Variants in SUGCT observed in about 807,000 individuals in gnomAD.
The protein encoded by SUGCT is succinyl-CoA:glutarate CoA-transferase.
Under a neutral mutation model 55.0 loss-of-function variants are expected in SUGCT, and 41 were observed. The ratio of observed to expected loss-of-function variants is 0.74; its 90% confidence interval spans 0.58 to 0.97. The LOEUF is 0.97. Ranked by LOEUF, SUGCT falls within the 50% of genes least tolerant of loss-of-function variation. The pLI, the probability that SUGCT is intolerant of heterozygous loss-of-function variation, is 0.00. For synonymous variants in SUGCT, 187 were observed against 200.4 expected (o/e 0.93, Z 0.56); for missense variants, 568 against 547.8 (o/e 1.04, Z -0.37).
At chr7:40,241,783 G>A (rs1477658279) in intron 7 of SUGCT, among the ~76,000 whole-genome samples, 1 of 151,844 alleles carries the variant, frequency 6.6e-6, no homozygotes, top group Non-Finnish European at 1.5e-5. Flanking sequence ...AGCTGGGCGT[G>A]GTGGTGTGCA....
chr7:40,285,639 T>A (rs563820874), intron 8 of SUGCT, among the ~76,000 whole-genome samples: 1 of 152,270 alleles, frequency 6.6e-6, no homozygotes, highest in African/African-American at 2.4e-5. Context: ...CCAACTATTA[T>A]GCCATCATTG....
intron 9 of SUGCT, among the ~76,000 whole-genome samples, chr7:40,332,995 G>A (rs1242704060): frequency 2.0e-5 from 3 of 152,192 alleles, no homozygotes; most frequent in South Asian, 2.1e-4. Flanking sequence ...TTGTAGAAAC[G>A]TATAGTCCCC....
At chr7:40,632,336 A>T (rs976027828) in intron 12 of SUGCT, among the ~76,000 whole-genome samples, 1 of 151,912 alleles carries the variant, frequency 6.6e-6, no homozygotes, top group Admixed American at 6.6e-5. Flanking sequence ...TGTGGTGTAT[A>T]ACTAGTAAAT....
intron 12 of SUGCT, among the ~76,000 whole-genome samples, chr7:40,658,438 A>G (rs1490718486): frequency 6.6e-6 from 1 of 152,148 alleles, no homozygotes; most frequent in African/African-American, 2.4e-5. Context: ...TTAAAGTCCT[A>G]TCTTTTTCCC....
the SUGCT span, among the ~76,000 whole-genome samples, chr7:40,940,961 G>A: frequency 6.6e-6 from 1 of 152,028 alleles, no homozygotes; most frequent in Non-Finnish European, 1.5e-5. Flanking sequence ...GTTCTTAGGG[G>A]AAATGCCTTT....
chr7:40,349,963 C>T (rs1797528458), intron 9 of SUGCT, among the ~76,000 whole-genome samples: 1 of 152,196 alleles, frequency 6.6e-6, no homozygotes, highest in Admixed American at 6.5e-5. Flanking sequence ...GCTGGGATTA[C>T]AGGTGTGAGC....
chr7:40,595,348 T>G (rs1277640292), intron 12 of SUGCT, among the ~76,000 whole-genome samples: 1 of 152,226 alleles, frequency 6.6e-6, no homozygotes, highest in Admixed American at 6.5e-5. Context: ...GTATTGTGCT[T>G]CTTTAATTTT....
At chr7:40,345,468 T>C (rs1797262254) in intron 9 of SUGCT, among the ~76,000 whole-genome samples, 2 of 152,228 alleles carry the variant, frequency 1.3e-5, no homozygotes, top group Admixed American at 6.5e-5. Context: ...TTTATTTCTT[T>C]CAATTTTTTG....
intron 9 of SUGCT, among the ~76,000 whole-genome samples, chr7:40,406,439 G>T (rs890174063): frequency 3.9e-5 from 6 of 152,128 alleles, no homozygotes; most frequent in African/African-American, 1.2e-4. Flanking sequence ...GGGAGGGACT[G>T]TTATCATCTT....
At chr7:40,245,708 G>T (rs1789825838) in intron 7 of SUGCT, among the ~76,000 whole-genome samples, 1 of 151,672 alleles carries the variant, frequency 6.6e-6, no homozygotes, top group Non-Finnish European at 1.5e-5. Context: ...AAAGTGCTGG[G>T]ATTACAGGCG....
the SUGCT span, among the ~76,000 whole-genome samples, chr7:40,912,111 G>A: frequency 6.7e-6 from 1 of 149,634 alleles, no homozygotes; most frequent in Admixed American, 6.6e-5. Flanking sequence ...TCAACTTACT[G>A]TGACAGCTTG....
At chr7:40,790,427 G>A (rs1023829082) in intron 13 of SUGCT, among the ~76,000 whole-genome samples, 19 of 152,104 alleles carry the variant, frequency 1.2e-4, no homozygotes, top group Admixed American at 5.9e-4. Context: ...ATCCAGTCTC[G>A]AATATTTCTT....
chr7:40,349,935 G>T (rs1404394485), intron 9 of SUGCT, among the ~76,000 whole-genome samples: 2 of 152,126 alleles, frequency 1.3e-5, no homozygotes, highest in African/African-American at 4.8e-5. Context: ...CAATCCTCCT[G>T]CCTCGGCTTC....
intron 12 of SUGCT, among the ~76,000 whole-genome samples, chr7:40,543,958 A>C (rs1794844104): frequency 6.6e-6 from 1 of 152,168 alleles, no homozygotes; most frequent in Non-Finnish European, 1.5e-5. Context: ...GTTTTCAGGT[A>C]TGGCTTCACA....
chr7:40,628,867 A>G (rs1799649732), intron 12 of SUGCT, among the ~76,000 whole-genome samples: 1 of 152,024 alleles, frequency 6.6e-6, no homozygotes, highest in Non-Finnish European at 1.5e-5. Flanking sequence ...CAGAGTCTCT[A>G]GTAGCTGGGA....
At chr7:40,316,639 G>A in intron 8 of SUGCT, 121 bp from the exon 9 acceptor site, 1 of 596,410 alleles carries the variant, frequency 1.7e-6, no homozygotes, top group Non-Finnish European at 2.8e-6. Flanking sequence ...CTAACTTGAT[G>A]GACAGGTTTT....
At chr7:40,701,085 G>C (rs905074097) in intron 12 of SUGCT, among the ~76,000 whole-genome samples, 2 of 152,132 alleles carry the variant, frequency 1.3e-5, no homozygotes, top group African/African-American at 4.8e-5. Flanking sequence ...AGTTTCTTCA[G>C]GAAAGCCCCA....
At chr7:40,926,956 G>T in the SUGCT span, among the ~76,000 whole-genome samples, 1 of 152,164 alleles carries the variant, frequency 6.6e-6, no homozygotes, top group Non-Finnish European at 1.5e-5. Flanking sequence ...AGCTGCCAGG[G>T]CTCTTGTAAA....
chr7:40,896,404 A>T, the SUGCT span, among the ~76,000 whole-genome samples: 1 of 152,162 alleles, frequency 6.6e-6, no homozygotes, highest in African/African-American at 2.4e-5. Flanking sequence ...ACTACCTGAT[A>T]TGGTTTGGCT....
Sources: gnomAD v4.1 joint callset for allele counts (sites outside exome capture counted in the v4.1 genomes callset) on GRCh38, gnomAD v4.1.1 for gene constraint, MANE v1.5 for transcripts, NCBI Gene and HGNC (gene_info 2026-07-23, HGNC 2026-07-21) for gene names.